The following CREB3L4 variants were observed in gnomAD, a reference collection of about 807,000 sequenced individuals.
CREB3L4 encodes cAMP responsive element binding protein 3 like 4, also known as cyclic AMP-responsive element-binding protein 3-like protein 4.
Under a neutral mutation model 37.0 loss-of-function variants are expected in CREB3L4, and 28 were observed. The observed-to-expected ratio is 0.76, with a 90% CI of 0.56 to 1.04. The LOEUF is 1.04. Ranked by LOEUF, CREB3L4 falls within the 50% of genes least tolerant of loss-of-function variation. The pLI is 0.00. For synonymous variants in CREB3L4, 175 were observed against 192.2 expected (o/e 0.91, Z 0.74); for missense variants, 462 against 486.0 (o/e 0.95, Z 0.46).
At chr1:153,972,118 C>T (rs35138279) in intron 4 of CREB3L4, among the ~76,000 whole-genome samples, 14,463 of 152,236 alleles carry the variant, frequency 0.095, 888 homozygotes, top group Non-Finnish European at 0.14. Context: ...CCACTGTGCC[C>T]GGCCACATAC....
rs1336298072 is a variant in CREB3L4, at chr1:153,968,142, G to C, written c.-27G>C. ...TAGTCCCCTACTCCCAGATACAGCG[G>C]CCCTACCGTGGCTCCTGGCAAGGTG... On this transcript the variant is annotated 5_prime_UTR_variant, in exon 1 of 10. Transcript: ENST00000368607. 1 of 168,774 alleles carries C rather than the reference G, an allele frequency of 5.9e-6. No homozygotes were observed. The highest frequency in any genetic ancestry group is 2.4e-5 in the African/African-American group (1 of 41,964). The allele number at this position is 168,774 out of a possible 1,614,324, so 10.5% of individuals were successfully genotyped here.
At chr1:153,973,350 G>T (rs769200914) in intron 7 of CREB3L4, 30 bp from the exon 8 acceptor site, 6 of 1,613,070 alleles carry the variant, frequency 3.7e-6, no homozygotes, top group Non-Finnish European at 5.1e-6. Flanking sequence ...GTACCCAGAT[G>T]ATACTAACTC....
rs530849844 is a variant in CREB3L4 at position 153,973,432 on chromosome 1, A to C, written c.865A>C (p.Asn289His). The change falls in exon 8 of 10, where the codon AAC becomes CAC. Residue 289 changes from asparagine (N) to histidine (H), a missense_variant. Asn to His is a moderately conservative substitution (Grantham distance 68). Transcript: ENST00000368607. The stretch of plus-strand genomic sequence containing the variant: ...GCAGACGCTAATTGCTCAAACTTCC[A>C]ACAAAGCTGCCCAGACCAGCACTTG... ...QLQTLIAQTS[N>H]KAAQTSTCVL... is the part of the protein sequence containing the mutation. The C allele has an allele frequency of 1.2e-6, 2 of 1,614,036 alleles. No homozygotes were observed. Among genetic ancestry groups the C allele is most frequent in the Admixed American group, 3.3e-5 (2 of 59,998 alleles).
At chr1:153,969,637 G>A (rs1646584235) in intron 4 of CREB3L4, 182 bp downstream of exon 4, 2 of 616,088 alleles carry the variant, frequency 3.2e-6, no homozygotes, top group East Asian at 3.0e-5. Context: ...TTGAGCCAGG[G>A]TCTTACTCTG....
intron 4 of CREB3L4, among the ~76,000 whole-genome samples, chr1:153,971,589 T>TC (rs1476793430): frequency 5.3e-4 from 75 of 141,224 alleles, no homozygotes; most frequent in Admixed American, 5.3e-3. Context: ...TTCTTTTTCT[T>TC]TTTTTTTTTT....
Position 153,973,987 on chromosome 1 carries a change from G to A in CREB3L4, c.1110G>A (p.Arg370=), listed in dbSNP as rs753339353. The change falls in exon 10 of 10, where the codon AGG becomes AGA. Residue 370 remains arginine (R), a synonymous_variant. Transcript: ENST00000368607. ...CCAAGGATGCAAATGGCTCAACAAG[G>A]ACACTGCTTGAGAAGATGGGAGGGA... The part of the protein sequence containing the change: ...PGAKDANGST[R]TLLEKMGGKP... 6.2e-7 allele frequency: 1 copy of A among 1,614,170 alleles called. No individual in the cohort carries two copies. Among genetic ancestry groups the A allele is most frequent in the Non-Finnish European group, 8.5e-7 (1 of 1,180,022 alleles).
chr1:153,973,649 C>T lies in CREB3L4; in HGVS notation c.927C>T (p.Ile309=), dbSNP rs900210340. 5.6e-6 allele frequency: 9 copies of T among 1,611,938 alleles called. No individual in the cohort carries two copies. Among genetic ancestry groups the T allele is most frequent in the Non-Finnish European group, 7.6e-6 (9 of 1,178,950 alleles). The change falls in exon 9 of 10, where the codon ATC becomes ATT. Residue 309 remains isoleucine, a synonymous_variant. Coordinates refer to ENST00000368607, the MANE Select transcript of CREB3L4 (RefSeq NM_001255978.2). ...TTCTTTTTTCCCTGGCTCTCATCAT[C>T]CTGCCCAGCTTCAGTCCATTCCAGA... The part of the protein sequence containing the change: ...LILLFSLALI[I]LPSFSPFQSR...
intron 3 of CREB3L4, 32 bp from the exon 4 acceptor site, chr1:153,969,302 C>A (rs759948314): frequency 8.1e-6 from 13 of 1,614,112 alleles, no homozygotes; most frequent in African/African-American, 1.3e-5. Context: ...TCCTAAGTCT[C>A]CTTTCTCCCA....
At position 153,974,315 on chromosome 1, in the gene CREB3L4, G is replaced by A. The variant is rs2102181444; in HGVS notation, c.*250G>A. 2.1e-6 allele frequency: 1 copy of A among 468,112 alleles called. No individual in the cohort carries two copies. Among genetic ancestry groups the A allele is most frequent in the South Asian group, 4.4e-5 (1 of 22,868 alleles). 29.0% of individuals were successfully genotyped at this position (468,112 alleles called of 1,614,324 possible). On this transcript the variant is annotated 3_prime_UTR_variant, in exon 10 of 10. Coordinates refer to ENST00000368607, the MANE Select transcript of CREB3L4 (RefSeq NM_001255978.2). ...TTATTTCTTCTTTGGGTATAGGGTT[G>A]AGGGGAAATAAGTTTTGAGTGAGAA...
intron 9 of CREB3L4, 37 bp from the exon 10 acceptor site, chr1:153,973,835 A>G (rs1648651544): frequency 6.2e-7 from 1 of 1,601,094 alleles, no homozygotes; most frequent in African/African-American, 1.3e-5. Flanking sequence ...CACCCAGGGG[A>G]GCACTCTACT....
At chr1:153,968,827 T>C in intron 2 of CREB3L4, 103 bp from the exon 3 acceptor site, 1 of 1,522,830 alleles carries the variant, frequency 6.6e-7, no homozygotes, top group Non-Finnish European at 8.9e-7. Flanking sequence ...GTATAATAAC[T>C]GTCTCCATGC....
rs764956874 is a variant in CREB3L4 at position 153,968,598 on chromosome 1, G to A, written c.73G>A (p.Val25Ile). The A allele has an allele frequency of 6.2e-7, 1 of 1,614,094 alleles. No homozygotes were observed. Among genetic ancestry groups the A allele is most frequent in the East Asian group, 2.2e-5 (1 of 44,874 alleles). ...PPEDIFSTGS[V>I]LELGLHCPPP... ...AGAGGATATCTTCTCGACAGGATCC[G>A]TCCTGGAGCTGGGACTCCACTGCCC... The change falls in exon 2 of 10, where the codon GTC becomes ATC. Residue 25 changes from valine (V) to isoleucine (I), a missense_variant. Physicochemically the swap from Val to Ile is conservative, Grantham distance 29 (BLOSUM62 3). Transcript: ENST00000368607.
intron 4 of CREB3L4, among the ~76,000 whole-genome samples, chr1:153,971,163 T>A (rs1255244068): frequency 6.9e-6 from 1 of 145,718 alleles, no homozygotes; most frequent in East Asian, 2.3e-4. Context: ...AGGTCAGGAG[T>A]TCGAGACCAG....
chr1:153,972,343 T>C (rs1447697229), intron 4 of CREB3L4, among the ~76,000 whole-genome samples: 1 of 152,178 alleles, frequency 6.6e-6, no homozygotes, highest in Non-Finnish European at 1.5e-5. Context: ...TAACACACTC[T>C]GCTAAATGGA....
chr1:153,971,290 C>T (rs577929809), intron 4 of CREB3L4, among the ~76,000 whole-genome samples: 43 of 151,818 alleles, frequency 2.8e-4, no homozygotes, highest in Admixed American at 2.3e-3. Flanking sequence ...ATCGCTTGAA[C>T]CCGGGAAGCA....
intron 4 of CREB3L4, among the ~76,000 whole-genome samples, chr1:153,971,587 C>CTTTTTTTTTTTT (rs55930906): frequency 1.2e-3 from 133 of 107,400 alleles, no homozygotes; most frequent in African/African-American, 1.7e-3. Context: ...TTTTCTTTTT[C>CTTTTTTTTTTTT]TTTTTTTTTT....
Position 153,973,229 on chromosome 1 carries a change from C to T in CREB3L4, c.778C>T (p.Gln260Ter). The T allele has an allele frequency of 1.2e-6, 2 of 1,614,018 alleles. No homozygotes were observed. Among genetic ancestry groups the T allele is most frequent in the Non-Finnish European group, 1.7e-6 (2 of 1,180,008 alleles). ...AACSAQNQEL[Q>*]KKVQELERHN... is the part of the protein sequence containing the mutation. ...CTGTTCTGCACAGAACCAAGAATTA[C>T]AGAAAAAAGTCCAGGAGCTGGAGAG... The change falls in exon 7 of 10, where the codon CAG (glutamine) becomes TAG (stop). Residue 260 changes from glutamine (Q) to a stop codon, truncating the protein, a stop_gained. Transcript: ENST00000368607. LOFTEE classifies it high-confidence loss of function.
At chr1:153,972,881 ATGACCTC>A in intron 5 of CREB3L4, 45 bp downstream of exon 5, 5 of 1,602,878 alleles carry the variant, frequency 3.1e-6, no homozygotes, top group Non-Finnish European at 4.3e-6. Context: ...GGGCCTCACC[ATGACCTC>A]TGAGGGGCCA....
At chr1:153,972,933 G>C (rs2102175484) in intron 5 of CREB3L4, 39 bp from the exon 6 acceptor site, 1 of 1,606,696 alleles carries the variant, frequency 6.2e-7, no homozygotes, top group East Asian at 2.2e-5. Flanking sequence ...GTTGGGGGCA[G>C]GTGAAGGACC....
Sources: gnomAD v4.1 joint callset for allele counts (sites outside exome capture counted in the v4.1 genomes callset) on GRCh38, gnomAD v4.1.1 for gene constraint, MANE v1.5 for transcripts, NCBI Gene and HGNC (gene_info 2026-07-23, HGNC 2026-07-21) for gene names.